NDUFAF6: variants seen among roughly 807,000 people sequenced by gnomAD.
NDUFAF6 encodes NADH dehydrogenase (ubiquinone) complex I, assembly factor 6.
In NDUFAF6, 45 loss-of-function variants were observed where a neutral mutation model predicts 40.8. That is an observed-to-expected ratio of 1.10 (90% CI 0.87 to 1.42). NDUFAF6 has a LOEUF of 1.42. Ranked by LOEUF, NDUFAF6 falls within the 40% of genes most tolerant of loss-of-function variation. The probability of loss-of-function intolerance (pLI) is 0.00; values close to 1 mark genes in which losing one functional copy is unlikely to be tolerated. For missense variants in NDUFAF6, 435 were observed against 418.5 expected (o/e 1.04, Z -0.34); for synonymous variants, 185 against 155.9 (o/e 1.19, Z -1.39).
At chr8:95,022,950 G>A (rs1381030973), upstream of NDUFAF6, among the ~76,000 whole-genome samples, 1 of 152,132 alleles carries the variant, frequency 6.6e-6, no homozygotes, top group Non-Finnish European at 1.5e-5. Flanking sequence ...ATGAAATATG[G>A]AAGGTGCAGA....
intron 2 of NDUFAF6, among the ~76,000 whole-genome samples, chr8:95,007,881 C>T (rs963974033): frequency 3.9e-5 from 6 of 151,962 alleles, no homozygotes; most frequent in African/African-American, 7.3e-5. Flanking sequence ...CACGCCACCA[C>T]GCACAGCTAA....
rs1830852503 is a variant in NDUFAF6 at position 95,047,039 on chromosome 8, A to G, written c.626A>G (p.Lys209Arg). The change falls in exon 6 of 9, where the codon AAA becomes AGA. Residue 209 changes from lysine to arginine, a missense_variant. By Grantham distance (26) the Lys-to-Arg change is conservative. Transcript: ENST00000396124. ...GATCATGCTGCAAGTCATATTGGAA[A>G]AGCACAAGGCATTGTCACTTGCTTG... ...HADHAASHIG[K>R]AQGIVTCLRA... 1.2e-6 allele frequency: 2 copies of G among 1,614,194 alleles called. No individual in the cohort carries two copies. The highest frequency in any genetic ancestry group is 1.7e-6 in the Non-Finnish European group (2 of 1,180,018).
chr8:94,973,968 G>A (rs1824709139), intron 1 of NDUFAF6, among the ~76,000 whole-genome samples: 1 of 152,038 alleles, frequency 6.6e-6, no homozygotes, highest in South Asian at 2.1e-4. Flanking sequence ...CTCAGTCTAT[G>A]GTATTTTCAT....
At position 95,025,090 on chromosome 8, in the gene NDUFAF6, G is replaced by C. The variant is rs943706263; in HGVS notation, c.82G>C (p.Gly28Arg). 20 of 1,480,464 alleles carry C rather than the reference G, an allele frequency of 1.4e-5. No homozygotes were observed. In the African/African-American group the frequency reaches 2.8e-4, roughly 21 times the overall value. 91.7% of individuals were successfully genotyped at this position (1,480,464 alleles called of 1,614,324 possible). Reference sequence around the variant, plus strand: ...CCTGTGCTGCCGCCGGCCGCCTCTGGGTCTGTACGCGCGCATGCGGCGGCT... The same window carrying C: ...CCTGTGCTGCCGCCGGCCGCCTCTGCGTCTGTACGCGCGCATGCGGCGGCT... ...PGLCCRRPPL[G>R]LYARMRRLPG... Residue 28 changes from glycine (G) to arginine (R), a missense_variant, in exon 1 of 9, where the codon GGT becomes CGT. By Grantham distance (125) the Gly-to-Arg change is moderately radical. Transcript: ENST00000396124.
At chr8:94,965,456 A>C (rs957150648) in intron 1 of NDUFAF6, among the ~76,000 whole-genome samples, 1 of 152,216 alleles carries the variant, frequency 6.6e-6, no homozygotes, top group Non-Finnish European at 1.5e-5. Context: ...AAGTCAGGAA[A>C]GGTCAGTAAG....
In NDUFAF6 at chr8:95,025,116, G is replaced by T; in HGVS notation, c.108G>T (p.Leu36=). The T allele has an allele frequency of 1.4e-6, 2 of 1,479,434 alleles. No individual in the cohort carries two copies. Among genetic ancestry groups the T allele is most frequent in the East Asian group, 2.9e-5 (1 of 34,554 alleles). 91.6% of individuals were successfully genotyped at this position (1,479,434 alleles called of 1,614,324 possible). A position where few individuals can be genotyped will look rare whatever the true frequency, so the allele number is the denominator to read the frequency against. The change falls in exon 1 of 9, where the codon CTG becomes CTT. Residue 36 remains leucine (L), a synonymous_variant. Transcript: ENST00000396124. ...GTCTGTACGCGCGCATGCGGCGGCTGCCCGGGCCGGAGGTGTCTGGGCGGA... is the reference window on the plus strand; with the variant it reads ...GTCTGTACGCGCGCATGCGGCGGCTTCCCGGGCCGGAGGTGTCTGGGCGGA... ...PLGLYARMRR[L]PGPEVSGRSV...
chr8:95,075,759 G>C (rs547076657), exon 10 of NDUFAF6: 624 of 1,250,332 alleles, frequency 5.0e-4, no homozygotes, highest in Admixed American at 6.0e-4. Context: ...CCAGGTACTT[G>C]AGCTTGGAAA....
At chr8:94,941,557 C>T (rs1404806779) in intron 1 of NDUFAF6, among the ~76,000 whole-genome samples, 3 of 152,196 alleles carry the variant, frequency 2.0e-5, no homozygotes, top group Admixed American at 2.0e-4. Flanking sequence ...TGTAAGCACA[C>T]CTGATTACAC....
chr8:94,974,823 C>G (rs1824787083), intron 1 of NDUFAF6: 1 of 158,552 alleles, frequency 6.3e-6, no homozygotes, highest in Non-Finnish European at 1.4e-5. Flanking sequence ...ACGTCCCTTT[C>G]CCCGTATGCA....
intron 1 of NDUFAF6, among the ~76,000 whole-genome samples, chr8:94,912,868 A>G (rs1186849401): frequency 6.6e-6 from 1 of 151,554 alleles, no homozygotes; most frequent in Non-Finnish European, 1.5e-5. Flanking sequence ...AGTCCCAGCT[A>G]CTCTGGAGGC....
At chr8:95,007,077 T>G (rs1041141516) in intron 2 of NDUFAF6, among the ~76,000 whole-genome samples, 2 of 152,108 alleles carry the variant, frequency 1.3e-5, no homozygotes, top group Non-Finnish European at 1.5e-5. Context: ...TCCAGGTTTC[T>G]TATACTATAG....
chr8:94,943,265 G>T (rs1821713081), intron 1 of NDUFAF6, among the ~76,000 whole-genome samples: 1 of 152,130 alleles, frequency 6.6e-6, no homozygotes, highest in Admixed American at 6.5e-5. Flanking sequence ...GAGGCCACAG[G>T]AATGCTTGAG....
At chr8:95,010,145 G>A (rs994081770) in intron 2 of NDUFAF6, among the ~76,000 whole-genome samples, 2 of 152,136 alleles carry the variant, frequency 1.3e-5, no homozygotes, top group African/African-American at 4.8e-5. Context: ...CTGGAGTGCA[G>A]TGGCTCCATC....
chr8:95,025,355 G>C, intron 1 of NDUFAF6, 150 bp downstream of exon 1: 1 of 797,740 alleles, frequency 1.3e-6, no homozygotes, highest in African/African-American at 1.8e-5. Flanking sequence ...CGTCGGGTGC[G>C]GGTGTGCGGA....
At chr8:95,099,170 G>T (rs552516269), upstream of NDUFAF6, among the ~76,000 whole-genome samples, 7 of 152,168 alleles carry the variant, frequency 4.6e-5, no homozygotes, top group African/African-American at 1.4e-4. Context: ...ATCCCAGGAT[G>T]TTGAGGCTGC....
intron 1 of NDUFAF6, 94 bp downstream of exon 1, chr8:95,025,299 G>T (rs1419598761): frequency 8.1e-7 from 1 of 1,233,206 alleles, no homozygotes; most frequent in African/African-American, 1.6e-5. Flanking sequence ...TTGAGCGAGC[G>T]GACCGGCGCC....
downstream of NDUFAF6, among the ~76,000 whole-genome samples, chr8:95,077,576 G>A (rs867800257): frequency 6.6e-6 from 1 of 152,166 alleles, no homozygotes; most frequent in Admixed American, 6.5e-5. Context: ...AACTTACAAA[G>A]TCTTTATGTC....
intron 4 of NDUFAF6, among the ~76,000 whole-genome samples, chr8:95,043,902 A>G (rs768328138): frequency 3.9e-5 from 6 of 152,238 alleles, no homozygotes; most frequent in Non-Finnish European, 7.3e-5. Context: ...TATACCCAAG[A>G]TAAATGAAAA....
intron 1 of NDUFAF6, among the ~76,000 whole-genome samples, chr8:94,924,031 C>T (rs1037404993): frequency 1.3e-5 from 2 of 151,322 alleles, no homozygotes; most frequent in African/African-American, 4.9e-5. Flanking sequence ...GAAATCAAAT[C>T]AAGCAGTTCA....
Sources: gnomAD v4.1 joint callset for allele counts (sites outside exome capture counted in the v4.1 genomes callset) on GRCh38, gnomAD v4.1.1 for gene constraint, MANE v1.5 for transcripts, NCBI Gene and HGNC (gene_info 2026-07-23, HGNC 2026-07-21) for gene names.